Variants in RIMS1 observed in about 807,000 individuals in gnomAD.
RIMS1 encodes the protein regulating synaptic membrane exocytosis 1.
A neutral mutation model predicts 214.1 loss-of-function variants in RIMS1; 83 were observed. The observed-to-expected ratio is 0.39, with a 90% CI of 0.32 to 0.47. The LOEUF is 0.47. Among genes scored for constraint, RIMS1 ranks in the 20% least tolerant of loss-of-function variants. The probability of loss-of-function intolerance (pLI) is 0.99; values close to 1 mark genes in which losing one functional copy is unlikely to be tolerated. For synonymous variants in RIMS1, 793 were observed against 786.8 expected (o/e 1.01, Z -0.13); for missense variants, 2,050 against 2,161.8 (o/e 0.95, Z 1.03).
intron 22 of RIMS1, among the ~76,000 whole-genome samples, chr6:72,271,289 ATATATATATATATATAT>A (rs2083224861): frequency 7.2e-5 from 1 of 13,982 alleles, no homozygotes; most frequent in Non-Finnish European, 1.2e-4. Flanking sequence ...AAAAAAAAAT[ATATATATATATATATAT>A]ATATATATAT....
intron 2 of RIMS1, among the ~76,000 whole-genome samples, chr6:72,064,608 C>G (rs1410008962): frequency 6.6e-6 from 1 of 152,204 alleles, no homozygotes; most frequent in Non-Finnish European, 1.5e-5. Context: ...CTGGGTGCGT[C>G]ATCTCGATCA....
In RIMS1 at chr6:72,182,337, A is replaced by G; in HGVS notation, c.866A>G (p.Glu289Gly). 6.2e-7 allele frequency: 1 copy of G among 1,612,648 alleles called. No homozygotes were observed. The highest frequency in any genetic ancestry group is 2.2e-5 in the East Asian group (1 of 44,864). ...AATGGCAAAGGAGCCCTGAAGAGCGAGCGGAAACGCGTGCCAAAGACCTCA... is the reference window on the plus strand; with the variant it reads ...AATGGCAAAGGAGCCCTGAAGAGCGGGCGGAAACGCGTGCCAAAGACCTCA... ...EQNGKGALKS[E>G]RKRVPKTSAQ... Residue 289 changes from glutamate to glycine, a missense_variant, in exon 6 of 34, where the codon GAG becomes GGG. Coordinates refer to ENST00000521978, the MANE Select transcript of RIMS1 (RefSeq NM_014989.7).
At chr6:72,016,632 T>C (rs563024302) in intron 2 of RIMS1, among the ~76,000 whole-genome samples, 16 of 152,242 alleles carry the variant, frequency 1.1e-4, no homozygotes, top group Non-Finnish European at 2.2e-4. Flanking sequence ...TTTTGACAAA[T>C]TTTGCCAGTG....
chr6:72,222,352 T>C (rs1280380551), intron 6 of RIMS1, among the ~76,000 whole-genome samples: 2 of 152,108 alleles, frequency 1.3e-5, no homozygotes, highest in Non-Finnish European at 2.9e-5. Context: ...ATTCAGCTAC[T>C]CTGTGTGGGG....
intron 4 of RIMS1, among the ~76,000 whole-genome samples, chr6:72,109,528 G>A (rs1241835359): frequency 3.3e-5 from 5 of 151,786 alleles, no homozygotes; most frequent in African/African-American, 7.3e-5. Flanking sequence ...CATGTCCTTC[G>A]CCCACTTTTT....
At chr6:71,891,939 T>A (rs1770018103) in intron 1 of RIMS1, among the ~76,000 whole-genome samples, 1 of 152,230 alleles carries the variant, frequency 6.6e-6, no homozygotes, top group Admixed American at 6.5e-5. Context: ...ATACCTGTAA[T>A]AAGCAGATGG....
At chr6:71,920,354 A>C (rs1779618894) in intron 1 of RIMS1, among the ~76,000 whole-genome samples, 1 of 152,348 alleles carries the variant, frequency 6.6e-6, no homozygotes, top group South Asian at 2.1e-4. Flanking sequence ...TTCATAGTAC[A>C]ATATGTCTGG....
intron 1 of RIMS1, among the ~76,000 whole-genome samples, chr6:71,917,449 A>G (rs867342001): frequency 1.3e-5 from 2 of 152,120 alleles, no homozygotes; most frequent in Non-Finnish European, 2.9e-5. Flanking sequence ...TGAAAATGGC[A>G]TGAGGTAGCA....
intron 2 of RIMS1, among the ~76,000 whole-genome samples, chr6:72,030,096 G>T (rs1456486524): frequency 6.6e-6 from 1 of 152,138 alleles, no homozygotes; most frequent in African/African-American, 2.4e-5. Flanking sequence ...TCATAGATAT[G>T]AATGTTCTTT....
intron 4 of RIMS1, among the ~76,000 whole-genome samples, chr6:72,128,227 G>A (rs2039905016): frequency 6.6e-6 from 1 of 152,048 alleles, no homozygotes; most frequent in Non-Finnish European, 1.5e-5. Context: ...GCTGGCAAAA[G>A]TCTTATTTAA....
chr6:72,120,230 C>A (rs1409518063), intron 4 of RIMS1, among the ~76,000 whole-genome samples: 1 of 151,942 alleles, frequency 6.6e-6, no homozygotes, highest in Non-Finnish European at 1.5e-5. Flanking sequence ...AATCACCACA[C>A]TGTCTTCCAC....
chr6:72,268,306 A>G (rs2081506845), intron 22 of RIMS1, among the ~76,000 whole-genome samples: 1 of 152,150 alleles, frequency 6.6e-6, no homozygotes, highest in Admixed American at 6.5e-5. Flanking sequence ...TTTCGAGGCT[A>G]CTTAATTTTT....
intron 4 of RIMS1, among the ~76,000 whole-genome samples, chr6:72,130,898 C>A (rs540332278): frequency 6.6e-6 from 1 of 152,012 alleles, no homozygotes; most frequent in East Asian, 1.9e-4. Context: ...AAATATTTAT[C>A]AAAAAGCCTT....
In RIMS1 at chr6:72,315,489, A is replaced by G. The variant is rs76797814; in HGVS notation, c.4130+1817A>G. Among the ~76,000 whole-genome samples, 356 of 152,356 alleles carry G rather than the reference A, an allele frequency of 2.3e-3. 9 individuals are homozygous for G. In the East Asian group the frequency reaches 0.059, roughly 25 times the overall value. ...TAAACAAGTTTCCCCTTAAGCTAACATAAAGAGCTACTTTTCTTGTAATCT... is the reference window on the plus strand; with the variant it reads ...TAAACAAGTTTCCCCTTAAGCTAACGTAAAGAGCTACTTTTCTTGTAATCT... On this transcript the variant is annotated intron_variant, in intron 28 of 33. Coordinates refer to ENST00000521978, the MANE Select transcript of RIMS1 (RefSeq NM_014989.7).
At chr6:71,916,222 G>A (rs1778370901) in intron 1 of RIMS1, among the ~76,000 whole-genome samples, 2 of 152,136 alleles carry the variant, frequency 1.3e-5, no homozygotes, top group Admixed American at 1.3e-4. Context: ...TAAGAGTTTT[G>A]TGGGTTAATG....
At chr6:72,167,674 G>A (rs576410940) in intron 4 of RIMS1, among the ~76,000 whole-genome samples, 44 of 151,992 alleles carry the variant, frequency 2.9e-4, no homozygotes, top group African/African-American at 9.4e-4. Context: ...TTGGTAGTTT[G>A]AGTTTTTGAG....
chr6:72,059,519 A>G (rs1403957793), intron 2 of RIMS1, among the ~76,000 whole-genome samples: 1 of 152,174 alleles, frequency 6.6e-6, no homozygotes, highest in African/African-American at 2.4e-5. Flanking sequence ...GTGAGCCACC[A>G]TATCTGGCCC....
At chr6:72,110,602 G>C (rs1449530575) in intron 4 of RIMS1, among the ~76,000 whole-genome samples, 2 of 149,348 alleles carry the variant, frequency 1.3e-5, no homozygotes, top group South Asian at 4.3e-4. Context: ...GAGATTTTGG[G>C]CTGAGACAAT....
chr6:71,983,290 G>C (rs1388157238), intron 2 of RIMS1, among the ~76,000 whole-genome samples: 7 of 151,976 alleles, frequency 4.6e-5, no homozygotes, highest in Non-Finnish European at 7.4e-5. Context: ...AGGTTCTTAA[G>C]TGGGATTGCA....
Sources: allele counts gnomAD v4.1 joint callset (sites outside exome capture counted in the v4.1 genomes callset), GRCh38; gene constraint gnomAD v4.1.1; transcripts MANE v1.5; gene names NCBI Gene and HGNC (gene_info 2026-07-23, HGNC 2026-07-21).